Variants in PDE10A observed in about 807,000 individuals in gnomAD.
The protein encoded by PDE10A is cAMP and cAMP-inhibited cGMP 3',5'-cyclic phosphodiesterase 10A.
Under a neutral mutation model 97.7 loss-of-function variants are expected in PDE10A, and 39 were observed. The ratio of observed to expected loss-of-function variants is 0.40; its 90% CI spans 0.31 to 0.52. PDE10A has a LOEUF of 0.52. Ranked by LOEUF, PDE10A falls within the 20% of genes least tolerant of loss-of-function variation. PDE10A has a pLI of 0.56. For synonymous variants in PDE10A, 371 were observed against 376.8 expected (o/e 0.98, Z 0.18); for missense variants, 731 against 1,047.8 (o/e 0.70, Z 4.17).
intron 1 of PDE10A, among the ~76,000 whole-genome samples, chr6:165,735,025 TTAGG>T (rs1562710413): frequency 7.8e-6 from 1 of 128,252 alleles, no homozygotes; most frequent in Non-Finnish European, 1.6e-5. Flanking sequence ...AGGTAGGTAG[TTAGG>T]TAGGTAGATA....
intron 1 of PDE10A, among the ~76,000 whole-genome samples, chr6:165,806,907 C>T (rs1419513139): frequency 6.6e-6 from 1 of 152,232 alleles, no homozygotes; most frequent in Non-Finnish European, 1.5e-5. Flanking sequence ...AAGTGCTTAA[C>T]TTATACCCTT....
intron 13 of PDE10A, among the ~76,000 whole-genome samples, chr6:165,396,947 G>A (rs1583192234): frequency 6.6e-6 from 1 of 152,236 alleles, no homozygotes; most frequent in East Asian, 1.9e-4. Flanking sequence ...TTTTAGTCTT[G>A]ACTGTATATT....
At chr6:165,757,069 G>A (rs1340766811) in intron 1 of PDE10A, among the ~76,000 whole-genome samples, 2 of 151,750 alleles carry the variant, frequency 1.3e-5, no homozygotes, top group African/African-American at 4.8e-5. Flanking sequence ...CTGGGTTCAA[G>A]CGATTCTTCT....
intron 1 of PDE10A, among the ~76,000 whole-genome samples, chr6:165,558,636 T>C (rs1158512444): frequency 2.6e-5 from 4 of 152,194 alleles, no homozygotes; most frequent in Admixed American, 6.5e-5. Flanking sequence ...CTTTTAGACT[T>C]CCTCTATAAA....
intron 13 of PDE10A, among the ~76,000 whole-genome samples, chr6:165,406,785 T>C (rs1397620451): frequency 6.6e-6 from 1 of 152,178 alleles, no homozygotes; most frequent in African/African-American, 2.4e-5. Flanking sequence ...TGCAACTGGC[T>C]GAGGACCCAG....
chr6:165,427,387 T>C (rs1344198838), intron 10 of PDE10A, among the ~76,000 whole-genome samples: 2 of 152,148 alleles, frequency 1.3e-5, no homozygotes, highest in African/African-American at 2.4e-5. Flanking sequence ...TATTATGTGA[T>C]TCTTTTCAGA....
At chr6:165,619,900 G>A (rs373421736) in intron 1 of PDE10A, among the ~76,000 whole-genome samples, 48 of 152,144 alleles carry the variant, frequency 3.2e-4, no homozygotes, top group African/African-American at 9.6e-4. Flanking sequence ...CTACATGATC[G>A]GGCAGCTATA....
chr6:165,983,086 C>CACAT (rs946566812), intron 1 of PDE10A, among the ~76,000 whole-genome samples: 14 of 151,874 alleles, frequency 9.2e-5, no homozygotes, highest in Admixed American at 9.2e-4. Context: ...CACACACACA[C>CACAT]ACACGAGTAC....
intron 1 of PDE10A, among the ~76,000 whole-genome samples, chr6:165,953,481 C>T (rs545772527): frequency 2.0e-5 from 3 of 152,094 alleles, no homozygotes; most frequent in East Asian, 3.9e-4. Flanking sequence ...ATCCCAGCTA[C>T]TCGGGAAGCT....
intron 1 of PDE10A, among the ~76,000 whole-genome samples, chr6:165,916,819 C>T (rs544715338): frequency 6.6e-6 from 1 of 152,282 alleles, no homozygotes; most frequent in East Asian, 1.9e-4. Context: ...ATAAGGGCCA[C>T]CCTTATTGTC....
chr6:165,338,721 C>A (rs999366824), intron 20 of PDE10A, among the ~76,000 whole-genome samples: 14 of 152,102 alleles, frequency 9.2e-5, no homozygotes, highest in African/African-American at 2.9e-4. Flanking sequence ...TTCATCCACC[C>A]CCTCTATTTC....
At chr6:165,469,063 T>C (rs760777931) in intron 3 of PDE10A, among the ~76,000 whole-genome samples, 22 of 152,246 alleles carry the variant, frequency 1.4e-4, no homozygotes, top group Admixed American at 1.2e-3. Flanking sequence ...ATTTTTATCA[T>C]AATCACTTGA....
At chr6:165,526,715 T>G (rs781667599) in intron 2 of PDE10A, among the ~76,000 whole-genome samples, 4 of 152,204 alleles carry the variant, frequency 2.6e-5, no homozygotes, top group African/African-American at 9.6e-5. Flanking sequence ...AGATGTGGTT[T>G]CACTGCTTGA....
chr6:165,670,291 C>T lies in PDE10A; in HGVS notation c.-614-126723G>A, dbSNP rs73788707. On this transcript the variant is annotated intron_variant, in intron 1 of 19. Transcript: ENST00000366882. ...TTTATTGCATGTAACTGACATAGCC[C>T]TAATCCACCTCTTAACACGAGTCAC... 2.2e-3 allele frequency among the ~76,000 whole-genome samples: 328 copies of T among 152,312 alleles called. 1 individual carries two copies. The highest frequency in any genetic ancestry group is 7.3e-3 in the African/African-American group (304 of 41,552).
At chr6:165,377,339 T>C (rs751743211) in intron 18 of PDE10A, among the ~76,000 whole-genome samples, 1 of 152,180 alleles carries the variant, frequency 6.6e-6, no homozygotes, top group Non-Finnish European at 1.5e-5. Context: ...AGACAGTTGC[T>C]ACTGGAATGC....
At chr6:165,758,075 A>T (rs957881006) in intron 1 of PDE10A, among the ~76,000 whole-genome samples, 4 of 152,262 alleles carry the variant, frequency 2.6e-5, no homozygotes, top group Non-Finnish European at 4.4e-5. Flanking sequence ...TAGTGACAAT[A>T]AGTGGAAGGT....
chr6:165,385,327 C>T (rs773796759), intron 17 of PDE10A, among the ~76,000 whole-genome samples: 24 of 150,480 alleles, frequency 1.6e-4, no homozygotes, highest in Non-Finnish European at 2.6e-4. Context: ...ATACCAAGCA[C>T]AATTCGGGCA....
chr6:165,573,654 G>A (rs1277334701), intron 1 of PDE10A, among the ~76,000 whole-genome samples: 1 of 152,138 alleles, frequency 6.6e-6, no homozygotes, highest in Non-Finnish European at 1.5e-5. Flanking sequence ...AACATTATGT[G>A]TAATGAATTG....
At chr6:165,955,213 G>T (rs766683718) in intron 1 of PDE10A, among the ~76,000 whole-genome samples, 28 of 152,176 alleles carry the variant, frequency 1.8e-4, no homozygotes, top group Non-Finnish European at 3.5e-4. Flanking sequence ...TCAAGGTCGT[G>T]CTCGGTGTAT....
Sources: gnomAD v4.1 joint callset for allele counts (sites outside exome capture counted in the v4.1 genomes callset) on GRCh38, gnomAD v4.1.1 for gene constraint, MANE v1.5 for transcripts, NCBI Gene and HGNC (gene_info 2026-07-23, HGNC 2026-07-21) for gene names.